The following TTC28 variants were observed in gnomAD, a reference collection of about 807,000 sequenced individuals.
The protein encoded by TTC28 is tetratricopeptide repeat protein 28.
TTC28 carries 61 observed loss-of-function variants against 198.0 expected under a neutral mutation model. The ratio of observed to expected loss-of-function variants is 0.31; its 90% CI spans 0.25 to 0.38. The LOEUF is 0.38. TTC28 is among the 10% of genes least tolerant of loss of function. The pLI, the probability that TTC28 is intolerant of heterozygous loss-of-function variation, is 1.00. For missense variants in TTC28, 2,678 were observed against 3,164.0 expected (o/e 0.85, Z 3.69); for synonymous variants, 1,171 against 1,297.8 (o/e 0.90, Z 2.10).
intron 2 of TTC28, among the ~76,000 whole-genome samples, chr22:28,522,416 A>T (rs1041803075): frequency 1.3e-5 from 2 of 150,120 alleles, no homozygotes; most frequent in African/African-American, 4.9e-5. Flanking sequence ...TGGACCCAGG[A>T]GGTGGAGGTT....
chr22:28,362,971 A>C (rs201945053), intron 2 of TTC28, among the ~76,000 whole-genome samples: 12 of 152,044 alleles, frequency 7.9e-5, no homozygotes, highest in Non-Finnish European at 1.6e-4. Context: ...AACAAACAAA[A>C]AACAACAACA....
chr22:28,047,528 G>C (rs943551328), intron 12 of TTC28, among the ~76,000 whole-genome samples: 3 of 152,178 alleles, frequency 2.0e-5, no homozygotes, highest in African/African-American at 7.2e-5. Context: ...CAAGCCGCAG[G>C]GCCCCTCTAA....
At chr22:28,347,821 GTGAGCCGAGATCGTGCCAC>G (rs1388657578) in intron 2 of TTC28, among the ~76,000 whole-genome samples, 1 of 152,354 alleles carries the variant, frequency 6.6e-6, no homozygotes, top group African/African-American at 2.4e-5. Flanking sequence ...TGCAGTGACA[GTGAGCCGAGATCGTGCCAC>G]TGCACTTCAG....
chr22:28,315,500 C>A (rs768120630), intron 2 of TTC28, among the ~76,000 whole-genome samples: 4 of 151,970 alleles, frequency 2.6e-5, no homozygotes, highest in Non-Finnish European at 5.9e-5. Flanking sequence ...TTCTAAAATT[C>A]TTATAGTTTT....
intron 1 of TTC28, among the ~76,000 whole-genome samples, chr22:28,631,277 A>G (rs73432204): frequency 0.017 from 2,592 of 152,308 alleles, 73 homozygotes; most frequent in African/African-American, 0.06. Flanking sequence ...GTTTTCATGT[A>G]CCAATGAATC....
Position 27,998,611 on chromosome 22 carries a change from C to T in TTC28, c.5048G>A (p.Ser1683Asn). The change falls in exon 16 of 23, where the codon AGC becomes AAC. Residue 1683 changes from serine (S) to asparagine (N), a missense_variant. Physicochemically the swap from Ser to Asn is conservative, Grantham distance 46 (BLOSUM62 1). This residue lies in a region of TTC28 where 314 missense variants were observed against 442.7 expected (regional missense o/e 0.71). Transcript: ENST00000397906. ...CTTCATGGCCTCCCCCAGGGCGGCG[C>T]TGGCTTTCAGGCCGTTCAGCAGGGA... ...YSSLLNGLKA[S>N]AALGEAMKVV... 1.9e-6 allele frequency: 3 copies of T among 1,550,820 alleles called. No individual in the cohort carries two copies. The highest frequency in any genetic ancestry group is 2.6e-6 in the Non-Finnish European group (3 of 1,147,010).
intron 2 of TTC28, among the ~76,000 whole-genome samples, chr22:28,494,349 C>T (rs1439327028): frequency 6.6e-6 from 1 of 152,178 alleles, no homozygotes; most frequent in Non-Finnish European, 1.5e-5. Flanking sequence ...TGGGTTCCTA[C>T]TTACACAAAC....
chr22:28,393,333 G>A (rs1317681097), intron 2 of TTC28, among the ~76,000 whole-genome samples: 1 of 151,636 alleles, frequency 6.6e-6, no homozygotes, highest in African/African-American at 2.4e-5. Context: ...ATATTGTATT[G>A]GTTCATGGGT....
At chr22:28,417,206 G>A (rs1333063601) in intron 2 of TTC28, among the ~76,000 whole-genome samples, 1 of 144,978 alleles carries the variant, frequency 6.9e-6, no homozygotes, top group Non-Finnish European at 1.5e-5. Context: ...CTAGGCAAGA[G>A]TAATCCCAAC....
chr22:28,442,584 T>A (rs1173318225), intron 2 of TTC28, among the ~76,000 whole-genome samples: 1 of 152,258 alleles, frequency 6.6e-6, no homozygotes, highest in African/African-American at 2.4e-5. Flanking sequence ...CTTGGCTGGC[T>A]CCTGCAAAGC....
chr22:28,595,019 C>T (rs1232079229), intron 2 of TTC28, among the ~76,000 whole-genome samples: 2 of 152,098 alleles, frequency 1.3e-5, no homozygotes, highest in Admixed American at 6.5e-5. Context: ...GCAAAAAGTC[C>T]ATGTTGTAGG....
At chr22:28,332,814 T>C (rs1397658670) in intron 2 of TTC28, among the ~76,000 whole-genome samples, 1 of 152,112 alleles carries the variant, frequency 6.6e-6, no homozygotes, top group Admixed American at 6.6e-5. Context: ...AATCATTGTG[T>C]CATTATGGCT....
At chr22:28,114,010 T>C (rs572744747) in intron 6 of TTC28, among the ~76,000 whole-genome samples, 1 of 152,378 alleles carries the variant, frequency 6.6e-6, no homozygotes, top group African/African-American at 2.4e-5. Context: ...CAACAGCCTC[T>C]GTAGCTGCAC....
At chr22:28,401,211 C>G (rs557377803) in intron 2 of TTC28, among the ~76,000 whole-genome samples, 7 of 144,276 alleles carry the variant, frequency 4.9e-5, no homozygotes, top group African/African-American at 1.4e-4. Context: ...AGGAGGATGA[C>G]GATGACGATG....
intron 1 of TTC28, among the ~76,000 whole-genome samples, chr22:28,647,141 C>G (rs1272502582): frequency 1.3e-5 from 2 of 152,108 alleles, no homozygotes; most frequent in African/African-American, 4.8e-5. Flanking sequence ...GAAGAGGACA[C>G]CCTATTTGGT....
intron 6 of TTC28, among the ~76,000 whole-genome samples, chr22:28,112,908 T>C (rs1449192506): frequency 6.6e-6 from 1 of 152,034 alleles, no homozygotes; most frequent in Non-Finnish European, 1.5e-5. Flanking sequence ...AAAGGACACA[T>C]GGTTATGAAT....
intron 14 of TTC28, among the ~76,000 whole-genome samples, chr22:28,013,338 C>A (rs901353942): frequency 2.6e-5 from 4 of 152,204 alleles, no homozygotes; most frequent in African/African-American, 9.6e-5. Context: ...TAACAGTCTA[C>A]GCAAAGGCAT....
At chr22:28,225,366 GAAAAGAAGA>G (rs1435014317) in intron 5 of TTC28, among the ~76,000 whole-genome samples, 2 of 83,006 alleles carry the variant, frequency 2.4e-5, no homozygotes, top group African/African-American at 4.2e-5. Flanking sequence ...AAAAAAAAAA[GAAAAGAAGA>G]AGAAGAAGAA....
chr22:28,202,208 C>T (rs912106626), intron 5 of TTC28, among the ~76,000 whole-genome samples: 2 of 152,102 alleles, frequency 1.3e-5, no homozygotes, highest in African/African-American at 2.4e-5. Flanking sequence ...GATTCAGAAA[C>T]TTCAAAATCA....
Sources: gnomAD v4.1 joint callset for allele counts (sites outside exome capture counted in the v4.1 genomes callset) on GRCh38, gnomAD v4.1.1 for gene constraint, gnomAD v4.1.1 regional missense constraint, MANE v1.5 for transcripts, NCBI Gene and HGNC (gene_info 2026-07-23, HGNC 2026-07-21) for gene names.